TACR1: variants seen among roughly 807,000 people sequenced by gnomAD.
TACR1 encodes substance-P receptor.
A neutral mutation model predicts 35.8 loss-of-function variants in TACR1; 25 were observed. That is an observed-to-expected ratio of 0.70 (90% CI 0.51 to 0.98). TACR1 has a LOEUF of 0.98. Among genes scored for constraint, TACR1 ranks in the 50% least tolerant of loss-of-function variants. The pLI, the probability that TACR1 is intolerant of heterozygous loss-of-function variation, is 0.00. For missense variants in TACR1, 478 were observed against 522.9 expected (o/e 0.91, Z 0.84); for synonymous variants, 195 against 206.7 (o/e 0.94, Z 0.48).
chr2:75,157,163 TAAG>T (rs928148609), intron 1 of TACR1, among the ~76,000 whole-genome samples: 17 of 152,056 alleles, frequency 1.1e-4, no homozygotes, highest in African/African-American at 4.1e-4. Flanking sequence ...GGGGGATTGA[TAAG>T]GAGGAGGATG....
intron 1 of TACR1, among the ~76,000 whole-genome samples, chr2:75,157,521 C>T (rs1674892452): frequency 6.6e-6 from 1 of 152,192 alleles, no homozygotes; most frequent in African/African-American, 2.4e-5. Context: ...CACCTGTTCA[C>T]AAACAATGTG....
At chr2:75,094,020 C>G (rs1673363252) in intron 2 of TACR1, among the ~76,000 whole-genome samples, 1 of 152,130 alleles carries the variant, frequency 6.6e-6, no homozygotes. Context: ...GAACTCTGAA[C>G]AGTTTAGTGC....
chr2:75,160,278 A>C (rs1674974240), intron 1 of TACR1, among the ~76,000 whole-genome samples: 1 of 152,128 alleles, frequency 6.6e-6, no homozygotes, highest in Admixed American at 6.5e-5. Flanking sequence ...ACAATGAATT[A>C]TGAGTACGTA....
rs1673767029 is a variant in TACR1, at chr2:75,112,279, CT to C, written c.584+8294del. ...GAATGGCAAGTCATTTATTATCATT[CT>C]CTTAAAAGTTATTTTGCTGATATAA... On this transcript the variant is annotated intron_variant, in intron 2 of 4. Coordinates refer to ENST00000305249, the MANE Select transcript of TACR1 (RefSeq NM_001058.4). Among the ~76,000 whole-genome samples the C allele has an allele frequency of 2.6e-5, 4 of 151,984 alleles. 1 individual carries two copies. In the South Asian group the frequency reaches 8.3e-4, roughly 32 times the overall value.
chr2:75,146,315 GT>G (rs981320850), intron 1 of TACR1, among the ~76,000 whole-genome samples: 2 of 152,070 alleles, frequency 1.3e-5, no homozygotes, highest in African/African-American at 4.8e-5. Flanking sequence ...TATACACAGT[GT>G]TTCACCATGT....
intron 3 of TACR1, among the ~76,000 whole-genome samples, chr2:75,051,918 T>TG (rs1672477442): frequency 6.7e-6 from 1 of 149,230 alleles, no homozygotes. Context: ...GCAGGCTGGG[T>TG]GGGCGGGCAC....
At chr2:75,100,848 C>T (rs547716933) in intron 2 of TACR1, among the ~76,000 whole-genome samples, 65 of 152,210 alleles carry the variant, frequency 4.3e-4, no homozygotes, top group African/African-American at 1.3e-3. Context: ...AAGAATGCAA[C>T]CTTCAATTCA....
intron 2 of TACR1, among the ~76,000 whole-genome samples, chr2:75,111,708 GTATAC>G (rs1673752816): frequency 6.6e-6 from 1 of 151,932 alleles, no homozygotes; most frequent in Admixed American, 6.6e-5. Flanking sequence ...TCAGAATAGG[GTATAC>G]TGTATATTGT....
intron 2 of TACR1, among the ~76,000 whole-genome samples, chr2:75,073,936 C>G (rs1240907379): frequency 6.6e-6 from 1 of 152,132 alleles, no homozygotes; most frequent in Non-Finnish European, 1.5e-5. Flanking sequence ...GGCTGTGAAC[C>G]TGAAGGCAAC....
chr2:75,093,613 C>G (rs1004624937), intron 2 of TACR1, among the ~76,000 whole-genome samples: 1 of 152,112 alleles, frequency 6.6e-6, no homozygotes, highest in Non-Finnish European at 1.5e-5. Context: ...AGCTCCCTGC[C>G]TTGTATTTGG....
intron 1 of TACR1, among the ~76,000 whole-genome samples, chr2:75,171,961 G>C (rs747963282): frequency 7.9e-5 from 12 of 152,120 alleles, no homozygotes; most frequent in Non-Finnish European, 1.3e-4. Flanking sequence ...GGGAATATTG[G>C]GAAGGCATGA....
At chr2:75,141,277 A>G (rs1674395924) in intron 1 of TACR1, among the ~76,000 whole-genome samples, 1 of 152,220 alleles carries the variant, frequency 6.6e-6, no homozygotes. Flanking sequence ...AGGACCCACC[A>G]TCCTCAGAAA....
At chr2:75,168,265 C>G (rs1410955231) in intron 1 of TACR1, among the ~76,000 whole-genome samples, 2 of 152,164 alleles carry the variant, frequency 1.3e-5, no homozygotes, top group Admixed American at 1.3e-4. Flanking sequence ...AGTTTAAACT[C>G]TAATCCCAGG....
chr2:75,076,803 C>T (rs1293629544), intron 2 of TACR1, among the ~76,000 whole-genome samples: 1 of 152,110 alleles, frequency 6.6e-6, no homozygotes, highest in African/African-American at 2.4e-5. Context: ...CTTCTGAGGC[C>T]TTCGCATCTT....
At chr2:75,083,281 C>A (rs1200472127) in intron 2 of TACR1, among the ~76,000 whole-genome samples, 4 of 152,156 alleles carry the variant, frequency 2.6e-5, no homozygotes, top group Admixed American at 1.3e-4. Flanking sequence ...TTCCATTGAT[C>A]TATATCTCTG....
chr2:75,125,739 A>G (rs1228759421), intron 1 of TACR1, among the ~76,000 whole-genome samples: 2 of 152,216 alleles, frequency 1.3e-5, no homozygotes, highest in Non-Finnish European at 2.9e-5. Flanking sequence ...ATTATTGCTC[A>G]AAGTGTTTTC....
intron 2 of TACR1, among the ~76,000 whole-genome samples, chr2:75,094,854 TA>T (rs1323033944): frequency 0.014 from 1,222 of 90,186 alleles, 43 homozygotes; most frequent in Admixed American, 0.065. Flanking sequence ...TATATATATA[TA>T]TATATTTTTT....
At chr2:75,173,890 C>T (rs550850415) in intron 1 of TACR1, among the ~76,000 whole-genome samples, 5 of 152,210 alleles carry the variant, frequency 3.3e-5, no homozygotes, top group Non-Finnish European at 7.4e-5. Flanking sequence ...AGGTGTCTTA[C>T]TCTGCTCCAT....
chr2:75,073,634 T>A (rs1429026376), intron 2 of TACR1, among the ~76,000 whole-genome samples: 1 of 152,024 alleles, frequency 6.6e-6, no homozygotes, highest in African/African-American at 2.4e-5. Context: ...CCACTGAGGC[T>A]GGTCTGGCAG....
Sources: allele counts gnomAD v4.1 joint callset (sites outside exome capture counted in the v4.1 genomes callset), GRCh38; gene constraint gnomAD v4.1.1; transcripts MANE v1.5; gene names NCBI Gene and HGNC (gene_info 2026-07-23, HGNC 2026-07-21).